SIL1: variants seen among roughly 807,000 people sequenced by gnomAD.
SIL1 encodes nucleotide exchange factor SIL1.
Under a neutral mutation model 49.1 loss-of-function variants are expected in SIL1, and 40 were observed. That is an observed-to-expected ratio of 0.81 (90% CI 0.63 to 1.06). The LOEUF (loss-of-function observed/expected upper bound fraction) is 1.06, where lower values mean the gene tolerates loss of function less well. Among genes scored for constraint, SIL1 ranks in the 50% least tolerant of loss-of-function variants. The probability of loss-of-function intolerance (pLI) is 0.00; values close to 1 mark genes in which losing one functional copy is unlikely to be tolerated. For synonymous variants in SIL1, 253 were observed against 250.8 expected (o/e 1.01, Z -0.08); for missense variants, 500 against 572.6 (o/e 0.87, Z 1.29).
intron 3 of SIL1, among the ~76,000 whole-genome samples, chr5:139,061,286 C>T (rs1769582957): frequency 6.6e-6 from 1 of 152,174 alleles, no homozygotes; most frequent in South Asian, 2.1e-4. Context: ...CGAAGACAGG[C>T]CAACTGGAAT....
chr5:139,177,638 G>C (rs932574499), intron 1 of SIL1, among the ~76,000 whole-genome samples: 1 of 152,114 alleles, frequency 6.6e-6, no homozygotes, highest in Non-Finnish European at 1.5e-5. Context: ...AAGGAGTAGT[G>C]GGCAAGGCCA....
At chr5:138,984,634 C>G (rs1365145942) in intron 7 of SIL1, among the ~76,000 whole-genome samples, 1 of 152,172 alleles carries the variant, frequency 6.6e-6, no homozygotes, top group Non-Finnish European at 1.5e-5. Flanking sequence ...GCTAGGATTA[C>G]AGGCATGAGC....
rs1766692952 is a variant in SIL1 at position 138,948,731 on chromosome 5, G to T, written c.1030-1258C>A. ...CTCTGCTTATATGCTGCTGTGGTTT[G>T]AGTGTGTTCCCTAAAAGTTCAAGTG... is the stretch of plus-strand genomic sequence containing the variant. On this transcript the variant is annotated intron_variant, in intron 9 of 9. Coordinates refer to ENST00000394817, the MANE Select transcript of SIL1 (RefSeq NM_022464.5). This position sits in a 1 kb window ranked among gnomAD's most constrained non-coding sequence, Gnocchi z 4.8. Among the ~76,000 whole-genome samples the T allele has an allele frequency of 6.6e-6, 1 of 152,176 alleles. No individual in the cohort carries two copies. The highest frequency in any genetic ancestry group is 2.4e-5 in the African/African-American group (1 of 41,448).
Position 139,186,959 on chromosome 5 carries a change from T to C in SIL1, c.-11+11310A>G, listed in dbSNP as rs182018254. Among the ~76,000 whole-genome samples the C allele has an allele frequency of 9.2e-5, 14 of 152,310 alleles. No individual in the cohort carries two copies. The East Asian group carries it at 2.5e-3, about 27-fold the overall frequency. Reference sequence around the variant, plus strand: ...GGAATCAAGAAATGCTTCAGGGAAGTAGGATTTCAACAGGATTGTTATCAT... The same window carrying C: ...GGAATCAAGAAATGCTTCAGGGAAGCAGGATTTCAACAGGATTGTTATCAT... On this transcript the variant is annotated intron_variant, in intron 1 of 9. Transcript: ENST00000394817.
intron 7 of SIL1, among the ~76,000 whole-genome samples, chr5:139,020,213 G>GGAA (rs940721070): frequency 1.3e-5 from 2 of 152,152 alleles, no homozygotes; most frequent in Admixed American, 1.3e-4. Flanking sequence ...CTCTCCTCAT[G>GGAA]GAACAACTCC....
At chr5:139,155,478 A>AAC (rs1554136152) in intron 1 of SIL1, 1 of 149,522 alleles carries the variant, frequency 6.7e-6, no homozygotes, top group Admixed American at 6.7e-5. Flanking sequence ...AGAGAGAGAG[A>AAC]ACGAGCTCTC....
chr5:139,037,812 T>C (rs751844935), intron 5 of SIL1, among the ~76,000 whole-genome samples: 7 of 152,258 alleles, frequency 4.6e-5, no homozygotes, highest in Non-Finnish European at 8.8e-5. Flanking sequence ...GATTTCAACT[T>C]CTGAGTCATT....
chr5:138,987,508 G>C (rs570783881), intron 7 of SIL1, among the ~76,000 whole-genome samples: 23 of 152,296 alleles, frequency 1.5e-4, no homozygotes, highest in Admixed American at 1.3e-3. Flanking sequence ...AGGGAAGATA[G>C]GGCACCATAT....
chr5:139,037,789 AT>A (rs1203174840), intron 5 of SIL1, among the ~76,000 whole-genome samples: 2 of 152,216 alleles, frequency 1.3e-5, no homozygotes, highest in African/African-American at 4.8e-5. Flanking sequence ...TTGTTTTAAA[AT>A]TCTTGTTAGA....
chr5:138,988,503 C>T (rs1048538361), intron 7 of SIL1, among the ~76,000 whole-genome samples: 3 of 152,168 alleles, frequency 2.0e-5, no homozygotes, highest in Non-Finnish European at 4.4e-5. Flanking sequence ...TAAATTTTGC[C>T]TACTAATAAG....
At chr5:139,128,439 C>T (rs1245357122) in intron 1 of SIL1, among the ~76,000 whole-genome samples, 4 of 151,826 alleles carry the variant, frequency 2.6e-5, no homozygotes, top group African/African-American at 7.3e-5. Context: ...CAGAAGTTCA[C>T]GACCAGCCTG....
chr5:139,168,957 C>CAAAA (rs1241500802), intron 1 of SIL1, among the ~76,000 whole-genome samples: 1 of 98,998 alleles, frequency 1.0e-5, no homozygotes, highest in African/African-American at 3.6e-5. Flanking sequence ...GACCCTGTCT[C>CAAAA]AAAAAAAAAA....
chr5:139,155,501 A>T (rs62382975), intron 1 of SIL1: 1,897 of 112,380 alleles, frequency 0.017, 18 homozygotes, highest in South Asian at 0.024. Flanking sequence ...GCTCTCTTTA[A>T]TCTCTTCTTA....
At chr5:138,960,873 C>T (rs553442009) in intron 7 of SIL1, among the ~76,000 whole-genome samples, 2 of 152,308 alleles carry the variant, frequency 1.3e-5, no homozygotes, top group South Asian at 4.1e-4. Flanking sequence ...GCCTAATCTG[C>T]CAGCCTGGCA....
chr5:138,982,307 C>T (rs888927769), intron 7 of SIL1, among the ~76,000 whole-genome samples: 2 of 152,226 alleles, frequency 1.3e-5, no homozygotes, highest in African/African-American at 2.4e-5. Flanking sequence ...AGTTCACCGG[C>T]CCCATTTGTT....
At chr5:139,045,443 G>C (rs1769137847) in intron 4 of SIL1, among the ~76,000 whole-genome samples, 1 of 151,970 alleles carries the variant, frequency 6.6e-6, no homozygotes, top group Non-Finnish European at 1.5e-5. Context: ...AACTCTTGCT[G>C]GTTCCTCATC....
intron 1 of SIL1, among the ~76,000 whole-genome samples, chr5:139,177,074 A>G (rs143361560): frequency 2.8e-4 from 43 of 151,524 alleles, no homozygotes; most frequent in African/African-American, 1.0e-3. Flanking sequence ...CTGGAACTAC[A>G]GGCGCCCGCC....
At chr5:139,006,747 T>A (rs1435869494) in intron 7 of SIL1, among the ~76,000 whole-genome samples, 4 of 148,682 alleles carry the variant, frequency 2.7e-5, no homozygotes, top group Admixed American at 6.7e-5. Flanking sequence ...TTTTCTCAGG[T>A]TTGTCAAAGA....
At chr5:139,144,778 C>T (rs546442682) in intron 1 of SIL1, among the ~76,000 whole-genome samples, 1 of 152,008 alleles carries the variant, frequency 6.6e-6, no homozygotes, top group African/African-American at 2.4e-5. Context: ...GGCTGAAGCA[C>T]AAGAATCACT....
Sources: gnomAD v4.1 joint callset for allele counts (sites outside exome capture counted in the v4.1 genomes callset) on GRCh38, gnomAD v4.1.1 for gene constraint, Gnocchi (gnomAD v3.1) non-coding constraint, MANE v1.5 for transcripts, NCBI Gene and HGNC (gene_info 2026-07-23, HGNC 2026-07-21) for gene names.